The following LONP2 variants were observed in gnomAD, a reference collection of about 807,000 sequenced individuals.
LONP2 encodes lon peptidase 2, peroxisomal.
A neutral mutation model predicts 85.6 loss-of-function variants in LONP2; 60 were observed. That is an observed-to-expected ratio of 0.70 (90% CI 0.57 to 0.87). LONP2 has a LOEUF of 0.87. Ranked by LOEUF, LONP2 falls within the 40% of genes least tolerant of loss-of-function variation. The probability of loss-of-function intolerance (pLI) is 0.00; values close to 1 mark genes in which losing one functional copy is unlikely to be tolerated. For missense variants in LONP2, 860 were observed against 1,063.5 expected (o/e 0.81, Z 2.66); for synonymous variants, 395 against 389.7 (o/e 1.01, Z -0.16).
chr16:48,359,845 C>T (rs1460072149), downstream of LONP2, among the ~76,000 whole-genome samples: 1 of 152,218 alleles, frequency 6.6e-6, no homozygotes, highest in Non-Finnish European at 1.5e-5. Context: ...TATCCAGAAT[C>T]AGTGGTGGGA....
intron 11 of LONP2, among the ~76,000 whole-genome samples, chr16:48,332,524 C>A (rs1355794058): frequency 1.3e-5 from 2 of 152,088 alleles, no homozygotes; most frequent in African/African-American, 4.8e-5. Flanking sequence ...CCAGCCTGGC[C>A]AACATGCTGA....
chr16:48,329,716 G>C (rs1333823787), intron 11 of LONP2, among the ~76,000 whole-genome samples: 2 of 152,148 alleles, frequency 1.3e-5, no homozygotes, highest in African/African-American at 4.8e-5. Context: ...TGTGTGAAAT[G>C]TTATATCCTC....
intron 3 of LONP2, 27 bp from the exon 4 acceptor site, chr16:48,258,591 C>T: frequency 1.3e-6 from 2 of 1,570,690 alleles, no homozygotes; most frequent in Non-Finnish European, 1.7e-6. Context: ...TGAGAGAGAT[C>T]CTATTGATTG....
intron 2 of LONP2, among the ~76,000 whole-genome samples, chr16:48,255,469 C>G (rs1971739136): frequency 6.6e-6 from 1 of 152,086 alleles, no homozygotes. Context: ...TGTCAGTAGC[C>G]CTAATGACTA....
rs1361559620 is a variant in LONP2 at position 48,351,883 on chromosome 16, G to A, written c.*81G>A. On this transcript the variant is annotated 3_prime_UTR_variant, in exon 15 of 15. Coordinates refer to ENST00000285737, the MANE Select transcript of LONP2 (RefSeq NM_031490.5). Reference sequence around the variant, plus strand: ...ACAGTTGATTTTATTCACACCATTAGGGGTATGCAAGATGTCCCTGTTTTA... The same window carrying A: ...ACAGTTGATTTTATTCACACCATTAAGGGTATGCAAGATGTCCCTGTTTTA... 2.2e-5 allele frequency: 24 copies of A among 1,093,062 alleles called. No homozygotes were observed. The East Asian group carries it at 5.8e-4, about 27-fold the overall frequency. The allele number at this position is 1,093,062 out of a possible 1,614,324, so 67.7% of individuals were successfully genotyped here.
chr16:48,314,725 A>C (rs908998529), intron 11 of LONP2, among the ~76,000 whole-genome samples: 1 of 151,954 alleles, frequency 6.6e-6, no homozygotes, highest in Admixed American at 6.6e-5. Flanking sequence ...CTTTTACATA[A>C]TTTTTCTTTA....
At chr16:48,344,824 G>A (rs1037741845) in intron 12 of LONP2, 5 of 152,320 alleles carry the variant, frequency 3.3e-5, no homozygotes, top group African/African-American at 9.7e-5. Context: ...CTGGGGAGCT[G>A]AGGTGGGAGA....
At position 48,356,755 on chromosome 16, in the gene LONP2, TCTA is replaced by T. The variant is rs765005716; in HGVS notation, c.*4954_*4956del. The T allele has an allele frequency of 6.6e-5, 21 of 316,796 alleles. No individual in the cohort carries two copies. Among genetic ancestry groups the T allele is most frequent in the African/African-American group, 2.2e-5 (1 of 45,326 alleles). The allele number at this position is 316,796 out of a possible 1,614,324, so 19.6% of individuals were successfully genotyped here. A position where few individuals can be genotyped will look rare whatever the true frequency, so the allele number is the denominator to read the frequency against. On this transcript the variant is annotated 3_prime_UTR_variant, in exon 15 of 15. Transcript: ENST00000285737. ...TTTTAAAAGTTACAGCAAAAGGACT[TCTA>T]AAACAATTTTAGGAAAAGCTTTGTC...
intron 1 of LONP2, among the ~76,000 whole-genome samples, chr16:48,248,885 G>GGA (rs1971546047): frequency 2.2e-5 from 2 of 91,428 alleles, no homozygotes; most frequent in Non-Finnish European, 2.3e-5. Context: ...CTGTCTATAG[G>GGA]AAAAAAAAAA....
intron 6 of LONP2, among the ~76,000 whole-genome samples, chr16:48,268,883 C>T (rs1036125981): frequency 2.0e-5 from 3 of 152,032 alleles, no homozygotes; most frequent in African/African-American, 7.2e-5. Flanking sequence ...TATGAAATAT[C>T]CTTAGCAAAT....
chr16:48,256,104 C>G (rs1002693960), intron 2 of LONP2, among the ~76,000 whole-genome samples: 1 of 152,108 alleles, frequency 6.6e-6, no homozygotes. Context: ...TTCTTAAGAA[C>G]AAGGGTCCTT....
At chr16:48,277,796 C>A (rs1972244411) in intron 8 of LONP2, among the ~76,000 whole-genome samples, 1 of 151,856 alleles carries the variant, frequency 6.6e-6, no homozygotes, top group Non-Finnish European at 1.5e-5. Flanking sequence ...CTCCTTCTCC[C>A]TGGGGTCCCC....
intron 12 of LONP2, among the ~76,000 whole-genome samples, chr16:48,339,483 C>G (rs1260541117): frequency 6.6e-6 from 1 of 152,126 alleles, no homozygotes; most frequent in Non-Finnish European, 1.5e-5. Context: ...GTAGGCAGCT[C>G]TTTAGAAGTT....
chr16:48,301,737 C>T (rs913809893), intron 10 of LONP2, among the ~76,000 whole-genome samples: 3 of 152,204 alleles, frequency 2.0e-5, no homozygotes, highest in Admixed American at 2.0e-4. Context: ...TTTCTATTCA[C>T]TTTTCTATAA....
chr16:48,301,158 G>C (rs1255985008), intron 10 of LONP2, among the ~76,000 whole-genome samples: 1 of 152,090 alleles, frequency 6.6e-6, no homozygotes, highest in Non-Finnish European at 1.5e-5. Context: ...AGGACATAGA[G>C]TATCAATATT....
chr16:48,267,094 GA>G (rs1972005510), intron 6 of LONP2, among the ~76,000 whole-genome samples: 3 of 152,120 alleles, frequency 2.0e-5, no homozygotes, highest in Admixed American at 2.0e-4. Context: ...GGTACTCTGA[GA>G]TGCCATGTGT....
chr16:48,332,115 C>T (rs1959473120), intron 11 of LONP2, among the ~76,000 whole-genome samples: 1 of 152,098 alleles, frequency 6.6e-6, no homozygotes, highest in Non-Finnish European at 1.5e-5. Flanking sequence ...CTCAGGATGT[C>T]TCCAGTTATT....
intron 6 of LONP2, among the ~76,000 whole-genome samples, chr16:48,268,802 T>C (rs530777567): frequency 6.6e-6 from 1 of 152,332 alleles, no homozygotes; most frequent in South Asian, 2.1e-4. Flanking sequence ...TTATATAGTT[T>C]ACTGCTTAGC....
intron 11 of LONP2, among the ~76,000 whole-genome samples, chr16:48,315,363 A>G (rs1323889198): frequency 6.6e-6 from 1 of 152,180 alleles, no homozygotes; most frequent in African/African-American, 2.4e-5. Context: ...AGACTGGGTA[A>G]TTTTAAATGA....
Sources: allele counts gnomAD v4.1 joint callset (sites outside exome capture counted in the v4.1 genomes callset), GRCh38; gene constraint gnomAD v4.1.1; transcripts MANE v1.5; gene names NCBI Gene and HGNC (gene_info 2026-07-23, HGNC 2026-07-21).